Variants in CHURC1 observed in about 807,000 individuals in gnomAD.
CHURC1 encodes protein Churchill.
In CHURC1, 12 loss-of-function variants were observed where a neutral mutation model predicts 15.4. The observed-to-expected ratio is 0.78, with a 90% CI of 0.50 to 1.27. CHURC1 has a LOEUF of 1.27. Among genes scored for constraint, CHURC1 ranks in the 50% most tolerant of loss-of-function variants. The pLI, the probability that CHURC1 is intolerant of heterozygous loss-of-function variation, is 0.00. For missense variants in CHURC1, 132 were observed against 137.8 expected (o/e 0.96, Z 0.21); for synonymous variants, 42 against 47.5 (o/e 0.88, Z 0.48).
chr14:64,927,252 T>C lies in CHURC1; in HGVS notation c.246+1172T>C, dbSNP rs540958572. On this transcript the variant is annotated intron_variant, in intron 3 of 3. Coordinates refer to ENST00000549115, the MANE Select transcript of CHURC1 (RefSeq NM_001386928.1). ...CTAAAATAACATCTTGACTATATTT[T>C]ATATTTCTTCAGCATCCAAAAATTA... Among the ~76,000 whole-genome samples the C allele has an allele frequency of 1.5e-4, 23 of 152,350 alleles. No homozygotes were observed. The South Asian group carries it at 4.6e-3, about 30-fold the overall frequency.
At position 64,925,996 on chromosome 14, in the gene CHURC1, CTT is replaced by C. The variant is rs1884670866; in HGVS notation, c.176-12_176-11del. The C allele has an allele frequency of 1.9e-6, 3 of 1,586,146 alleles. No homozygotes were observed. Among genetic ancestry groups the C allele is most frequent in the Non-Finnish European group, 1.7e-6 (2 of 1,167,356 alleles). On this transcript the variant is annotated splice_polypyrimidine_tract_variant and intron_variant, in intron 2 of 3. Coordinates refer to ENST00000549115, the MANE Select transcript of CHURC1 (RefSeq NM_001386928.1). Reference sequence around the variant, plus strand: ...CTAAGACTTAATTACGTAAGTCTCTCTTTGTTTTAGCAGATTTGTGTAAGAAT... The same window carrying C: ...CTAAGACTTAATTACGTAAGTCTCTCTGTTTTAGCAGATTTGTGTAAGAAT...
intron 1 of CHURC1, among the ~76,000 whole-genome samples, chr14:64,915,488 C>T (rs1883818408): frequency 6.6e-6 from 1 of 152,160 alleles, no homozygotes; most frequent in African/African-American, 2.4e-5. Context: ...TCATCTAAGA[C>T]TTGAAGGACA....
rs773780881 is a variant in CHURC1 at position 64,926,000 on chromosome 14, G to A, written c.176-10G>A. On this transcript the variant is annotated splice_polypyrimidine_tract_variant and intron_variant, in intron 2 of 3. Transcript: ENST00000549115. ...GACTTAATTACGTAAGTCTCTCTTTGTTTTAGCAGATTTGTGTAAGAATTG... is the reference window on the plus strand; with the variant it reads ...GACTTAATTACGTAAGTCTCTCTTTATTTTAGCAGATTTGTGTAAGAATTG... 2 of 1,590,806 alleles carry A rather than the reference G, an allele frequency of 1.3e-6. No homozygotes were observed. The highest frequency in any genetic ancestry group is 3.5e-5 in the Admixed American group (2 of 56,394).
chr14:64,921,695 T>C (rs577207952), intron 1 of CHURC1, among the ~76,000 whole-genome samples: 89 of 152,328 alleles, frequency 5.8e-4, no homozygotes, highest in African/African-American at 2.0e-3. Context: ...ACTCACACAT[T>C]GCTGGCAGGA....
In CHURC1 at chr14:64,924,040, G is replaced by T. The variant is rs150184552; in HGVS notation, c.89G>T (p.Cys30Phe). 1.1e-3 allele frequency: 1,688 copies of T among 1,606,036 alleles called. 3 individuals carry two copies. The highest frequency in any genetic ancestry group is 1.3e-3 in the Non-Finnish European group (1,569 of 1,175,704). ...TCTTTCTTACTGAACTTTACAGGCT[G>T]TGCAGTGTGCAGTAAGCGGGATTTT... Reference protein sequence around the residue: ...NGSFLLNFTGCAVCSKRDFML... With the variant: ...NGSFLLNFTGFAVCSKRDFML... The change falls in exon 2 of 4, where the codon TGT (cysteine) becomes TTT (phenylalanine). Residue 30 changes from cysteine (C) to phenylalanine (F), a missense_variant. Transcript: ENST00000549115.
intron 1 of CHURC1, among the ~76,000 whole-genome samples, chr14:64,923,408 T>G (rs1486328482): frequency 3.9e-5 from 6 of 152,194 alleles, no homozygotes; most frequent in African/African-American, 1.2e-4. Flanking sequence ...TGCCATTGTG[T>G]CAGTCTTACG....
At chr14:64,930,716 G>A (rs1196773043) in intron 3 of CHURC1, 2 of 404,596 alleles carry the variant, frequency 4.9e-6, no homozygotes, top group African/African-American at 4.2e-5. Flanking sequence ...GGCTAGATTG[G>A]TTGAAAACTC....
rs1330627187 is a variant in CHURC1, at chr14:64,932,154, G to T, written c.263G>T (p.Cys88Phe). 4 of 1,613,776 alleles carry T rather than the reference G, an allele frequency of 2.5e-6. No individual in the cohort carries two copies. The highest frequency in any genetic ancestry group is 3.4e-6 in the Non-Finnish European group (4 of 1,179,756). Residue 88 changes from cysteine (C) to phenylalanine (F), a missense_variant, in exon 4 of 4, where the codon TGT becomes TTT. By Grantham distance (205) the Cys-to-Phe change is radical (BLOSUM62 -2). Transcript: ENST00000549115. Reference sequence around the variant, plus strand: ...TTGTTCTAGGAGTATACCATGCTGTGTCTGTTATGCGGCAAAGCCGAAGAT... The same window carrying T: ...TTGTTCTAGGAGTATACCATGCTGTTTCTGTTATGCGGCAAAGCCGAAGAT... ...MDEFQEYTML[C>F]LLCGKAEDTI...
chr14:64,924,163 C>T, intron 2 of CHURC1, 37 bp downstream of exon 2: 6 of 1,570,072 alleles, frequency 3.8e-6, no homozygotes, highest in South Asian at 2.4e-5. Context: ...AGTGTGTTAG[C>T]AGGTGTCAGC....
Position 64,934,485 on chromosome 14 carries a change from A to G in CHURC1, c.*2255A>G. The G allele has an allele frequency of 1.0e-6, 1 of 985,294 alleles. No individual in the cohort carries two copies. The highest frequency in any genetic ancestry group is 1.2e-6 in the Non-Finnish European group (1 of 829,762). The allele number at this position is 985,294 out of a possible 1,614,324, so 61.0% of individuals were successfully genotyped here. The stretch of plus-strand genomic sequence containing the variant: ...ATACAAGGATCTGGCAAGGTTAGGA[A>G]GAGGTTAAGAATATCAGTGACAGTA... On this transcript the variant is annotated 3_prime_UTR_variant, in exon 4 of 4. Transcript: ENST00000549115.
In CHURC1 at chr14:64,935,345, TA is replaced by T. The variant is rs995260389; in HGVS notation, c.*3124del. The T allele has an allele frequency of 3.6e-4, 307 of 844,268 alleles. No individual in the cohort carries two copies. The highest frequency in any genetic ancestry group is 5.9e-4 in the Middle Eastern group (1 of 1,686). The allele number at this position is 844,268 out of a possible 1,614,324, so 52.3% of individuals were successfully genotyped here. Reference sequence around the variant, plus strand: ...AACTTAAAGTATAATAATAATAAAATAAAAAAAAAGGAATTAGGCAAAACAT... The same window carrying T: ...AACTTAAAGTATAATAATAATAAAATAAAAAAAAGGAATTAGGCAAAACAT... On this transcript the variant is annotated 3_prime_UTR_variant, in exon 4 of 4. Coordinates refer to ENST00000549115, the MANE Select transcript of CHURC1 (RefSeq NM_001386928.1).
chr14:64,918,435 T>G (rs1162538131), intron 1 of CHURC1, among the ~76,000 whole-genome samples: 1 of 152,186 alleles, frequency 6.6e-6, no homozygotes, highest in African/African-American at 2.4e-5. Flanking sequence ...CTTCCAACTC[T>G]GGGGTTCTTT....
At chr14:64,932,044 A>G (rs1363323190) in intron 3 of CHURC1, 94 bp from the exon 4 acceptor site, 27 of 1,469,092 alleles carry the variant, frequency 1.8e-5, no homozygotes, top group African/African-American at 2.8e-5. Context: ...AAGAATATTC[A>G]TGACAATTTG....
At chr14:64,916,248 T>G (rs1447702471) in intron 1 of CHURC1, among the ~76,000 whole-genome samples, 1 of 152,168 alleles carries the variant, frequency 6.6e-6, no homozygotes, top group East Asian at 1.9e-4. Flanking sequence ...GGTAAAACTG[T>G]AAGGAACGTA....
chr14:64,921,591 A>T (rs992741632), intron 1 of CHURC1, among the ~76,000 whole-genome samples: 4 of 152,230 alleles, frequency 2.6e-5, no homozygotes, highest in Admixed American at 2.6e-4. Flanking sequence ...CAAGGAAACA[A>T]AAGTTAAAAC....
In CHURC1 at chr14:64,933,852, A is replaced by G; in HGVS notation, c.*1622A>G. On this transcript the variant is annotated 3_prime_UTR_variant, in exon 4 of 4. Transcript: ENST00000549115. ...ATGATGATAATATCTGAGCTTTATT[A>G]AGTACTTACTACATGCTAAGAGCTT... is the stretch of plus-strand genomic sequence containing the variant. 2.0e-6 allele frequency: 2 copies of G among 984,848 alleles called. No individual in the cohort carries two copies. Among genetic ancestry groups the G allele is most frequent in the Non-Finnish European group, 2.4e-6 (2 of 829,378 alleles). 61.0% of individuals were successfully genotyped at this position (984,848 alleles called of 1,614,324 possible).
chr14:64,932,508 G>A lies in CHURC1; in HGVS notation c.*278G>A. On this transcript the variant is annotated 3_prime_UTR_variant, in exon 4 of 4. Coordinates refer to ENST00000549115, the MANE Select transcript of CHURC1 (RefSeq NM_001386928.1). ...AAACAACTAGAATGGGAGCACACCT[G>A]GTGCCCAGATTTTGGTTTCCAATAA... The A allele has an allele frequency of 9.1e-7, 1 of 1,102,698 alleles. No individual in the cohort carries two copies. Among genetic ancestry groups the A allele is most frequent in the Non-Finnish European group, 1.1e-6 (1 of 903,142 alleles). The allele number at this position is 1,102,698 out of a possible 1,614,324, so 68.3% of individuals were successfully genotyped here.
intron 1 of CHURC1, among the ~76,000 whole-genome samples, chr14:64,917,568 CAAAT>C (rs1448655449): frequency 6.6e-6 from 1 of 151,794 alleles, no homozygotes; most frequent in Non-Finnish European, 1.5e-5. Context: ...CGTCTCAAAA[CAAAT>C]AAACAAACAA....
In CHURC1 at chr14:64,933,529, T is replaced by C. The variant is rs772179629; in HGVS notation, c.*1299T>C. 2.0e-6 allele frequency: 2 copies of C among 982,002 alleles called. No individual in the cohort carries two copies. The highest frequency in any genetic ancestry group is 2.4e-6 in the Non-Finnish European group (2 of 826,804). 60.8% of individuals were successfully genotyped at this position (982,002 alleles called of 1,614,324 possible). On this transcript the variant is annotated 3_prime_UTR_variant, in exon 4 of 4. Transcript: ENST00000549115. ...TTACTCTGGACTTTATTGTCCTGTT[T>C]CTATCAAATTGGACTAACAAAAATT...
Sources: allele counts gnomAD v4.1 joint callset (sites outside exome capture counted in the v4.1 genomes callset), GRCh38; gene constraint gnomAD v4.1.1; transcripts MANE v1.5; gene names NCBI Gene and HGNC (gene_info 2026-07-23, HGNC 2026-07-21).